CNTN4: variants seen among roughly 807,000 people sequenced by gnomAD.
The protein encoded by CNTN4 is contactin 4, also known as contactin-4.
A neutral mutation model predicts 122.5 loss-of-function variants in CNTN4; 77 were observed. The ratio of observed to expected loss-of-function variants is 0.63; its 90% CI spans 0.52 to 0.76. The LOEUF (loss-of-function observed/expected upper bound fraction) is 0.76. Among genes scored for constraint, CNTN4 ranks in the 30% least tolerant of loss-of-function variants. The probability of loss-of-function intolerance (pLI) is 0.00; values close to 1 mark genes in which losing one functional copy is unlikely to be tolerated. For synonymous variants in CNTN4, 512 were observed against 447.0 expected, an observed-to-expected ratio of 1.15 and a Z score of -1.83; for missense variants, 1,256 against 1,259.1, an observed-to-expected ratio of 1.00 and a Z score of 0.04.
At chr3:2,707,262 C>T (rs1204447403) in intron 4 of CNTN4, among the ~76,000 whole-genome samples, 2 of 151,558 alleles carry the variant, frequency 1.3e-5, no homozygotes, top group African/African-American at 2.4e-5. Flanking sequence ...GCCGAGATCA[C>T]GCCACTGCAC....
At chr3:2,387,134 A>C (rs2046283336) in intron 3 of CNTN4, among the ~76,000 whole-genome samples, 1 of 152,218 alleles carries the variant, frequency 6.6e-6, no homozygotes, top group African/African-American at 2.4e-5. Flanking sequence ...TCAAATTTAT[A>C]AAACTTATCT....
intron 3 of CNTN4, among the ~76,000 whole-genome samples, chr3:2,404,714 C>G (rs139055266): frequency 2.4e-4 from 36 of 152,102 alleles, no homozygotes; most frequent in African/African-American, 8.5e-4. Context: ...ATACTTAGAT[C>G]GGTATTTGAT....
intron 3 of CNTN4, among the ~76,000 whole-genome samples, chr3:2,395,534 C>T (rs1001493005): frequency 5.9e-5 from 9 of 152,110 alleles, no homozygotes; most frequent in African/African-American, 1.9e-4. Context: ...GTGTTATGAT[C>T]GATCTCATCA....
intron 4 of CNTN4, among the ~76,000 whole-genome samples, chr3:2,702,819 G>A (rs9830446): frequency 1.3e-5 from 2 of 152,104 alleles, no homozygotes; most frequent in Non-Finnish European, 2.9e-5. Context: ...CACAAATTGA[G>A]CACATTAGGC....
At chr3:2,259,149 C>T (rs1374191146) in intron 2 of CNTN4, among the ~76,000 whole-genome samples, 2 of 151,924 alleles carry the variant, frequency 1.3e-5, no homozygotes, top group Non-Finnish European at 2.9e-5. Flanking sequence ...TTTTCCCCAG[C>T]ATCTTTATGG....
intron 2 of CNTN4, among the ~76,000 whole-genome samples, chr3:2,124,376 C>T (rs2033990302): frequency 6.6e-6 from 1 of 150,410 alleles, no homozygotes; most frequent in African/African-American, 2.4e-5. Flanking sequence ...ATAGAGGATT[C>T]TTTTATCTTT....
chr3:2,570,616 G>A (rs1197438303), intron 3 of CNTN4, among the ~76,000 whole-genome samples: 1 of 152,108 alleles, frequency 6.6e-6, no homozygotes, highest in African/African-American at 2.4e-5. Context: ...CCATCTGCTT[G>A]AGCTGAGGGG....
chr3:2,191,418 C>T (rs1256080569), intron 2 of CNTN4, among the ~76,000 whole-genome samples: 4 of 152,128 alleles, frequency 2.6e-5, no homozygotes, highest in Non-Finnish European at 5.9e-5. Flanking sequence ...TGGGAGCACA[C>T]CCCGTAGTAG....
At chr3:2,844,277 TA>T (rs1311388720) in intron 7 of CNTN4, among the ~76,000 whole-genome samples, 1 of 152,258 alleles carries the variant, frequency 6.6e-6, no homozygotes, top group Non-Finnish European at 1.5e-5. Context: ...CTGTGTGACA[TA>T]ATACTCCTTT....
Position 2,709,373 on chromosome 3 carries a change from G to A in CNTN4, c.56-26842G>A, listed in dbSNP as rs1216567308. On this transcript the variant is annotated intron_variant, in intron 4 of 24. Transcript: ENST00000418658. This position sits in a 1 kb window ranked among gnomAD's most constrained non-coding sequence, Gnocchi z 5.0. ...AAAAATACTGATGCGTAGGTCTCAC[G>A]CCTGGTTAGGATTTGATTGGTAAGG... Among the ~76,000 whole-genome samples, 3 of 151,816 alleles carry A rather than the reference G, an allele frequency of 2.0e-5. No homozygotes were observed. Among genetic ancestry groups the A allele is most frequent in the South Asian group, 2.1e-4 (1 of 4,830 alleles).
intron 13 of CNTN4, among the ~76,000 whole-genome samples, chr3:2,926,017 C>T (rs985777372): frequency 6.6e-5 from 10 of 152,226 alleles, no homozygotes; most frequent in Non-Finnish European, 1.3e-4. Context: ...CCGCTGAAGA[C>T]TGCCAGAGCT....
chr3:2,765,578 T>C (rs941421480), intron 6 of CNTN4, among the ~76,000 whole-genome samples: 2 of 152,096 alleles, frequency 1.3e-5, no homozygotes, highest in African/African-American at 4.8e-5. Flanking sequence ...GCTTAATAAT[T>C]TTAAATTATT....
At chr3:2,875,579 A>G (rs4558738) in intron 8 of CNTN4, among the ~76,000 whole-genome samples, 44,270 of 152,116 alleles carry the variant, frequency 0.29, 6,475 homozygotes, top group Middle Eastern at 0.37. Context: ...TCCAGCTACA[A>G]TGGCAGAGTT....
At chr3:2,608,273 T>A (rs1480703892) in intron 4 of CNTN4, among the ~76,000 whole-genome samples, 1 of 152,176 alleles carries the variant, frequency 6.6e-6, no homozygotes, top group Admixed American at 6.5e-5. Flanking sequence ...TCCACTTATA[T>A]GAACAACTTG....
chr3:2,319,437 G>T (rs887989151), intron 2 of CNTN4, among the ~76,000 whole-genome samples: 1 of 151,964 alleles, frequency 6.6e-6, no homozygotes, highest in Admixed American at 6.6e-5. Context: ...TTACACCAAG[G>T]GTGCCTGCCT....
intron 2 of CNTN4, among the ~76,000 whole-genome samples, chr3:2,322,091 T>A (rs2043294716): frequency 6.6e-6 from 1 of 152,196 alleles, no homozygotes; most frequent in Non-Finnish European, 1.5e-5. Context: ...TGCCACAAGG[T>A]CACATAGGAT....
chr3:2,536,982 C>T (rs945078721), intron 3 of CNTN4, among the ~76,000 whole-genome samples: 4 of 151,988 alleles, frequency 2.6e-5, no homozygotes, highest in Non-Finnish European at 5.9e-5. Flanking sequence ...AATATAAAAG[C>T]CACTCTCTAC....
At chr3:2,805,699 G>C (rs985700327) in intron 6 of CNTN4, among the ~76,000 whole-genome samples, 2 of 152,062 alleles carry the variant, frequency 1.3e-5, no homozygotes, top group African/African-American at 4.8e-5. Context: ...GGTGGAGATT[G>C]AGAGGAACCA....
chr3:3,035,252 G>A (rs36001192), intron 17 of CNTN4, among the ~76,000 whole-genome samples: 9,777 of 146,196 alleles, frequency 0.067, 393 homozygotes, highest in Non-Finnish European at 0.096. Context: ...AGGTTGCAGT[G>A]AGCCAAGATC....
Sources: gnomAD v4.1 joint callset for allele counts (sites outside exome capture counted in the v4.1 genomes callset) on GRCh38, gnomAD v4.1.1 for gene constraint, Gnocchi (gnomAD v3.1) non-coding constraint, MANE v1.5 for transcripts, NCBI Gene and HGNC (gene_info 2026-07-23, HGNC 2026-07-21) for gene names.